Variants in ATG7 observed in about 807,000 individuals in gnomAD.
ATG7 encodes the protein autophagy related 7.
Under a neutral mutation model 82.4 loss-of-function variants are expected in ATG7, and 70 were observed. That is an observed-to-expected ratio of 0.85 (90% CI 0.70 to 1.04). The LOEUF (loss-of-function observed/expected upper bound fraction) is 1.04, where lower values mean the gene tolerates loss of function less well. Ranked by LOEUF, ATG7 falls within the 50% of genes least tolerant of loss-of-function variation. The pLI is 0.00. For synonymous variants in ATG7, 287 were observed against 313.0 expected (o/e 0.92, Z 0.88); for missense variants, 792 against 864.3 (o/e 0.92, Z 1.05).
chr3:11,345,143 C>T lies in ATG7; in HGVS notation c.1126-2734C>T, dbSNP rs550250051. Among the ~76,000 whole-genome samples, 4 of 152,130 alleles carry T rather than the reference C, an allele frequency of 2.6e-5. No homozygotes were observed. The South Asian group carries it at 6.2e-4, about 24-fold the overall frequency. ...TTGTTGGGCCGGGCACGGTGGCTCA[C>T]GCCTGTAATCCCAGCACTTTGGGAG... On this transcript the variant is annotated intron_variant, in intron 13 of 20. Transcript: ENST00000693202.
At chr3:11,468,887 G>A (rs987452700) in intron 20 of ATG7, among the ~76,000 whole-genome samples, 4 of 152,220 alleles carry the variant, frequency 2.6e-5, no homozygotes, top group African/African-American at 9.6e-5. Context: ...ATGTATTTTT[G>A]TAATGTTTGT....
At chr3:11,430,688 C>G (rs1366964769) in intron 20 of ATG7, among the ~76,000 whole-genome samples, 1 of 152,206 alleles carries the variant, frequency 6.6e-6, no homozygotes, top group South Asian at 2.1e-4. Flanking sequence ...TAATGAGACA[C>G]TGACCCTCAA....
At chr3:11,379,881 T>C in intron 18 of ATG7, 91 bp from the exon 19 acceptor site, 1 of 1,289,952 alleles carries the variant, frequency 7.8e-7, no homozygotes, top group Non-Finnish European at 1.1e-6. Context: ...ATATTAATCA[T>C]TTCCTACTTG....
At chr3:11,412,253 A>G (rs2080976990) in intron 19 of ATG7, among the ~76,000 whole-genome samples, 1 of 143,944 alleles carries the variant, frequency 6.9e-6, no homozygotes, top group Non-Finnish European at 1.5e-5. Flanking sequence ...AGTTCCAGTT[A>G]TTTGATTCTT....
At chr3:11,364,129 G>T (rs1354197091) in intron 17 of ATG7, among the ~76,000 whole-genome samples, 1 of 152,164 alleles carries the variant, frequency 6.6e-6, no homozygotes, top group African/African-American at 2.4e-5. Context: ...TCACTCCATT[G>T]TTCAGAGAGT....
At chr3:11,316,223 C>T (rs1418300598) in intron 9 of ATG7, among the ~76,000 whole-genome samples, 1 of 152,140 alleles carries the variant, frequency 6.6e-6, no homozygotes, top group South Asian at 2.1e-4. Flanking sequence ...TTTAGTGTAT[C>T]ATTCATTGAC....
At chr3:11,471,143 C>A (rs951436346) in intron 20 of ATG7, among the ~76,000 whole-genome samples, 9 of 152,138 alleles carry the variant, frequency 5.9e-5, no homozygotes, top group Non-Finnish European at 1.0e-4. Context: ...TGGAAACACA[C>A]ATATGAATAT....
intron 20 of ATG7, among the ~76,000 whole-genome samples, chr3:11,515,268 C>T (rs1459895145): frequency 2.6e-5 from 4 of 151,650 alleles, no homozygotes; most frequent in African/African-American, 9.7e-5. Context: ...GAGGTGGTGT[C>T]GGTGTTTCTA....
At chr3:11,568,219 A>C in the ATG7 span, among the ~76,000 whole-genome samples, 3 of 152,216 alleles carry the variant, frequency 2.0e-5, no homozygotes, top group Non-Finnish European at 4.4e-5. This position sits in a 1 kb window ranked among gnomAD's most constrained non-coding sequence, Gnocchi z 5.9. Context: ...GTCGTGGTAC[A>C]TAAGGCACTG....
chr3:11,459,173 T>TAAA (rs10658469), intron 20 of ATG7, among the ~76,000 whole-genome samples: 1,707 of 141,698 alleles, frequency 0.012, 33 homozygotes, highest in South Asian at 0.037. Context: ...GGAGTCACTT[T>TAAA]AAAAAAAAAA....
intron 18 of ATG7, among the ~76,000 whole-genome samples, chr3:11,372,819 C>CGTGCGT (rs2077100435): frequency 5.0e-5 from 4 of 80,404 alleles, no homozygotes; most frequent in East Asian, 5.1e-4. Flanking sequence ...TGTGTGTGCG[C>CGTGCGT]GCGTGTGCGT....
At chr3:11,503,195 T>C (rs562429817) in intron 20 of ATG7, among the ~76,000 whole-genome samples, 1 of 152,220 alleles carries the variant, frequency 6.6e-6, no homozygotes, top group Admixed American at 6.5e-5. Flanking sequence ...GATGACCCTA[T>C]ACTGAAGGCC....
intron 20 of ATG7, among the ~76,000 whole-genome samples, chr3:11,515,450 C>T (rs1272629682): frequency 2.6e-5 from 4 of 152,286 alleles, no homozygotes; most frequent in Middle Eastern, 3.4e-3. Flanking sequence ...ATTACAGGCC[C>T]GTGCCACCAC....
chr3:11,521,754 G>T (rs376761908), intron 20 of ATG7, among the ~76,000 whole-genome samples: 127 of 151,892 alleles, frequency 8.4e-4, no homozygotes, highest in African/African-American at 2.9e-3. Flanking sequence ...GGGTTTCACT[G>T]TGTTAGCCAG....
the ATG7 span, among the ~76,000 whole-genome samples, chr3:11,573,888 G>T: frequency 6.6e-6 from 1 of 152,198 alleles, no homozygotes; most frequent in Non-Finnish European, 1.5e-5. Flanking sequence ...TTATGAGGGC[G>T]TGCTCTAATC....
At chr3:11,550,382 T>C (rs1162508223) in intron 20 of ATG7, among the ~76,000 whole-genome samples, 4 of 152,178 alleles carry the variant, frequency 2.6e-5, no homozygotes, top group Admixed American at 6.6e-5. Context: ...ATTTGGTCTA[T>C]TGGTCTTTCT....
chr3:11,303,345 A>T (rs1159517181), intron 5 of ATG7, among the ~76,000 whole-genome samples: 1 of 152,196 alleles, frequency 6.6e-6, no homozygotes, highest in Non-Finnish European at 1.5e-5. Flanking sequence ...TTTGATTGAC[A>T]ATCTCTATAC....
intron 20 of ATG7, among the ~76,000 whole-genome samples, chr3:11,438,740 G>T (rs965526396): frequency 4.6e-5 from 7 of 152,042 alleles, no homozygotes; most frequent in Non-Finnish European, 7.4e-5. Context: ...GGTAGGAGAG[G>T]TTTTTCAAGA....
chr3:11,412,016 G>T (rs900858347), intron 19 of ATG7, among the ~76,000 whole-genome samples: 1 of 151,262 alleles, frequency 6.6e-6, no homozygotes, highest in Non-Finnish European at 1.5e-5. Flanking sequence ...TTCTGTCTAG[G>T]TCCTGCTGCT....
Sources: allele counts gnomAD v4.1 joint callset (sites outside exome capture counted in the v4.1 genomes callset), GRCh38; gene constraint gnomAD v4.1.1; non-coding constraint Gnocchi (gnomAD v3.1); transcripts MANE v1.5; gene names NCBI Gene and HGNC (gene_info 2026-07-23, HGNC 2026-07-21).